CCDC170: variants seen among roughly 807,000 people sequenced by gnomAD.
The protein encoded by CCDC170 is coiled-coil domain containing 170.
Under a neutral mutation model 72.6 loss-of-function variants are expected in CCDC170, and 69 were observed. The observed-to-expected ratio is 0.95, with a 90% confidence interval of 0.78 to 1.16. The LOEUF is 1.16. CCDC170 is among the 50% of genes most tolerant of loss of function. CCDC170 has a pLI of 0.00. For missense variants in CCDC170, 852 were observed against 832.5 expected, an observed-to-expected ratio of 1.02 and a Z score of -0.29; for synonymous variants, 300 against 303.9, an observed-to-expected ratio of 0.99 and a Z score of 0.13.
At chr6:151,530,969 A>T (rs1782483445) in intron 1 of CCDC170, among the ~76,000 whole-genome samples, 1 of 152,090 alleles carries the variant, frequency 6.6e-6, no homozygotes, top group East Asian at 1.9e-4. Context: ...TCTTTGTATT[A>T]TTTCTGGAAA....
chr6:151,580,154 G>A (rs1048705767), intron 6 of CCDC170, among the ~76,000 whole-genome samples: 16 of 152,190 alleles, frequency 1.1e-4, no homozygotes, highest in South Asian at 2.1e-4. Flanking sequence ...CAGTAAATTC[G>A]GTGGTGTGCT....
intron 5 of CCDC170, among the ~76,000 whole-genome samples, chr6:151,558,894 T>C (rs1783031304): frequency 6.6e-6 from 1 of 152,160 alleles, no homozygotes; most frequent in African/African-American, 2.4e-5. Flanking sequence ...TGTGGATCAA[T>C]AGAAATTTTA....
At chr6:151,521,009 A>G (rs1316609690) in intron 1 of CCDC170, among the ~76,000 whole-genome samples, 2 of 152,238 alleles carry the variant, frequency 1.3e-5, no homozygotes, top group African/African-American at 4.8e-5. Flanking sequence ...CTGTCTAGGC[A>G]GCAGGCAAGG....
At chr6:151,596,843 T>G (rs888566150) in intron 9 of CCDC170, among the ~76,000 whole-genome samples, 3 of 152,152 alleles carry the variant, frequency 2.0e-5, no homozygotes, top group Non-Finnish European at 2.9e-5. Flanking sequence ...AAAATTTTTT[T>G]GAGGAGGAGT....
intron 5 of CCDC170, among the ~76,000 whole-genome samples, chr6:151,559,125 G>A (rs149814090): frequency 6.7e-6 from 1 of 150,108 alleles, no homozygotes; most frequent in Non-Finnish European, 1.5e-5. Flanking sequence ...TGATTCTCGT[G>A]CCCAGCTTCC....
intron 7 of CCDC170, 124 bp from the exon 8 acceptor site, chr6:151,592,983 C>A: frequency 9.7e-7 from 1 of 1,034,298 alleles, no homozygotes; most frequent in South Asian, 1.5e-5. Context: ...AGTCCGTGCT[C>A]CGTTCCATGC....
rs534516097 is a variant in CCDC170 at position 151,572,342 on chromosome 6, T to G, written c.775-832T>G. On this transcript the variant is annotated intron_variant, in intron 5 of 10. Transcript: ENST00000239374. ...GTCAATGAATAGTTTTATGCAATGA[T>G]GTTTTTATGAGAATATTCCTCTATT... Among the ~76,000 whole-genome samples, 26 of 152,324 alleles carry G rather than the reference T, an allele frequency of 1.7e-4. No homozygotes were observed. The South Asian group carries it at 4.8e-3, about 28-fold the overall frequency.
At chr6:151,597,449 T>C (rs896542741) in intron 9 of CCDC170, among the ~76,000 whole-genome samples, 1 of 152,194 alleles carries the variant, frequency 6.6e-6, no homozygotes, top group Non-Finnish European at 1.5e-5. Context: ...ATGTTTTAAG[T>C]CCAGAAAAGA....
rs542368576 is a variant in CCDC170 at position 151,594,304 on chromosome 6, T to C, written c.1467+1024T>C. On this transcript the variant is annotated intron_variant, in intron 8 of 10. Transcript: ENST00000239374. ...CTTGAACAGATTATATACCTCTCTG[T>C]CTCTGTTTCCTCATATTTAAGATGG... is the stretch of plus-strand genomic sequence containing the variant. 3.3e-5 allele frequency among the ~76,000 whole-genome samples: 5 copies of C among 152,326 alleles called. No homozygotes were observed. The South Asian group carries it at 1.0e-3, about 32-fold the overall frequency.
intron 6 of CCDC170, among the ~76,000 whole-genome samples, chr6:151,582,227 G>A (rs535509594): frequency 5.6e-4 from 86 of 152,288 alleles, no homozygotes; most frequent in African/African-American, 1.8e-3. Context: ...GTTTGGTGTC[G>A]CCACCTTCAT....
rs535582836 is a variant in CCDC170 at position 151,543,627 on chromosome 6, C to T, written c.444-945C>T. Among the ~76,000 whole-genome samples, 38 of 152,230 alleles carry T rather than the reference C, an allele frequency of 2.5e-4. No individual in the cohort carries two copies. In the South Asian group the frequency reaches 3.3e-3, roughly 13 times the overall value. ...TCACCTCCCTGTATCCTCCTTCATC[C>T]GCTACCCTTTCCAGCCTCTAATAAT... On this transcript the variant is annotated intron_variant, in intron 3 of 10. Transcript: ENST00000239374.
chr6:151,529,037 G>A (rs1782453599), intron 1 of CCDC170, among the ~76,000 whole-genome samples: 1 of 151,958 alleles, frequency 6.6e-6, no homozygotes, highest in African/African-American at 2.4e-5. Context: ...TCCAATTGTC[G>A]TGTCACCCTC....
At position 151,548,408 on chromosome 6, in the gene CCDC170, G is replaced by A. The variant is rs1323178385; in HGVS notation, c.693G>A (p.Thr231=). The change falls in exon 5 of 11, where the codon ACG becomes ACA. Residue 231 remains threonine, a synonymous_variant. Coordinates refer to ENST00000239374, the MANE Select transcript of CCDC170 (RefSeq NM_025059.4). ...TGGAAGCAAAAGCTAGCAGAGAAAC[G>A]ATCATGAGGCTGGCTTCAGAAGTCA... ...HEMEAKASRE[T]IMRLASEVNR... 10 of 1,612,858 alleles carry A rather than the reference G, an allele frequency of 6.2e-6. No individual in the cohort carries two copies. Among genetic ancestry groups the A allele is most frequent in the South Asian group, 2.2e-5 (2 of 90,908 alleles).
At chr6:151,519,648 C>A (rs189449124) in intron 1 of CCDC170, among the ~76,000 whole-genome samples, 81 of 152,290 alleles carry the variant, frequency 5.3e-4, no homozygotes, top group African/African-American at 1.9e-3. Context: ...AATTTATGTT[C>A]CTCTGCCATG....
intron 6 of CCDC170, among the ~76,000 whole-genome samples, chr6:151,581,765 C>T (rs1298655526): frequency 6.6e-6 from 1 of 152,202 alleles, no homozygotes; most frequent in East Asian, 1.9e-4. Context: ...GATCCATGGG[C>T]TGCAGAATGA....
chr6:151,502,176 A>G (rs1782002726), intron 1 of CCDC170, among the ~76,000 whole-genome samples: 2 of 152,172 alleles, frequency 1.3e-5, no homozygotes, highest in South Asian at 4.1e-4. Context: ...GGATACTGAG[A>G]CTGGAGGATC....
At chr6:151,546,627 C>T (rs1242217872) in intron 4 of CCDC170, among the ~76,000 whole-genome samples, 1 of 152,100 alleles carries the variant, frequency 6.6e-6, no homozygotes, top group African/African-American at 2.4e-5. Context: ...CCTAAGCCCC[C>T]CAGACAGCTC....
chr6:151,569,490 C>A (rs1776188482), intron 5 of CCDC170, among the ~76,000 whole-genome samples: 1 of 152,222 alleles, frequency 6.6e-6, no homozygotes, highest in African/African-American at 2.4e-5. Context: ...ATCCCCATCA[C>A]AGTCTATAGG....
At chr6:151,600,183 C>A (rs528857784) in intron 9 of CCDC170, among the ~76,000 whole-genome samples, 1 of 152,140 alleles carries the variant, frequency 6.6e-6, no homozygotes. Context: ...TGATACAAAT[C>A]CAAAATATCA....
Sources: gnomAD v4.1 joint callset for allele counts (sites outside exome capture counted in the v4.1 genomes callset) on GRCh38, gnomAD v4.1.1 for gene constraint, MANE v1.5 for transcripts, NCBI Gene and HGNC (gene_info 2026-07-23, HGNC 2026-07-21) for gene names.